ST8SIA4: variants seen among roughly 807,000 people sequenced by gnomAD.
ST8SIA4 encodes the protein CMP-N-acetylneuraminate-poly-alpha-2,8-sialyltransferase.
Under a neutral mutation model 33.9 loss-of-function variants are expected in ST8SIA4, and 15 were observed. The observed-to-expected ratio is 0.44, with a 90% CI of 0.30 to 0.68. ST8SIA4 has a LOEUF of 0.68. Among genes scored for constraint, ST8SIA4 ranks in the 30% least tolerant of loss-of-function variants. The probability of loss-of-function intolerance (pLI) is 0.10; values close to 1 mark genes in which losing one functional copy is unlikely to be tolerated. For missense variants in ST8SIA4, 321 were observed against 428.0 expected (o/e 0.75, Z 2.21); for synonymous variants, 171 against 151.2 (o/e 1.13, Z -0.96).
intron 3 of ST8SIA4, among the ~76,000 whole-genome samples, chr5:100,872,875 T>TAAA (rs550303574): frequency 1.6e-4 from 21 of 132,434 alleles, no homozygotes; most frequent in Non-Finnish European, 2.5e-4. Context: ...AGATATGGGC[T>TAAA]AAAAAAAAAA....
intron 3 of ST8SIA4, among the ~76,000 whole-genome samples, chr5:100,864,455 G>A (rs1752018463): frequency 1.3e-5 from 2 of 151,660 alleles, no homozygotes; most frequent in South Asian, 2.1e-4. Context: ...GGCGCCTGCA[G>A]TCCCAGCCAC....
chr5:100,895,836 T>C, intron 1 of ST8SIA4, 51 bp from the exon 2 acceptor site: 1 of 1,594,684 alleles, frequency 6.3e-7, no homozygotes. Flanking sequence ...ACATTTTGTG[T>C]ATACAGCACA....
intron 3 of ST8SIA4, among the ~76,000 whole-genome samples, chr5:100,867,900 T>C (rs1164197965): frequency 1.3e-5 from 2 of 151,964 alleles, no homozygotes; most frequent in Non-Finnish European, 2.9e-5. Flanking sequence ...ATTTCTGATA[T>C]CATAAGGTAG....
At position 100,807,946 on chromosome 5, in the gene ST8SIA4, A is replaced by G. The variant is rs1410129194; in HGVS notation, c.*3901T>C. 6.6e-6 allele frequency: 1 copy of G among 152,572 alleles called. No homozygotes were observed. The highest frequency in any genetic ancestry group is 2.4e-5 in the African/African-American group (1 of 41,466). The allele number at this position is 152,572 out of a possible 1,614,324, so 9.5% of individuals were successfully genotyped here. ...TTGGATTTTCTTTCATCAAATACAAATAATAACCCTCACTCAATTTTTAAA... is the reference window on the plus strand; with the variant it reads ...TTGGATTTTCTTTCATCAAATACAAGTAATAACCCTCACTCAATTTTTAAA... On this transcript the variant is annotated 3_prime_UTR_variant, in exon 5 of 5. Coordinates refer to ENST00000231461, the MANE Select transcript of ST8SIA4 (RefSeq NM_005668.6).
chr5:100,851,208 G>A (rs1043605583), intron 4 of ST8SIA4, among the ~76,000 whole-genome samples: 6 of 151,504 alleles, frequency 4.0e-5, no homozygotes, highest in Admixed American at 6.6e-5. Context: ...TGATCCACCC[G>A]CCTCGGCCTC....
chr5:100,822,274 C>T (rs189688498), intron 4 of ST8SIA4, among the ~76,000 whole-genome samples: 34 of 152,254 alleles, frequency 2.2e-4, no homozygotes, highest in South Asian at 1.5e-3. Flanking sequence ...ACGGTGATAC[C>T]TTCAACACAT....
intron 4 of ST8SIA4, among the ~76,000 whole-genome samples, chr5:100,820,842 G>T (rs1381732970): frequency 6.6e-6 from 1 of 152,062 alleles, no homozygotes; most frequent in Non-Finnish European, 1.5e-5. Flanking sequence ...ATATCTTTTG[G>T]GAGTTGTCAA....
chr5:100,829,538 A>G (rs1415417081), intron 4 of ST8SIA4, among the ~76,000 whole-genome samples: 2 of 152,230 alleles, frequency 1.3e-5, no homozygotes, highest in African/African-American at 2.4e-5. Context: ...AAGGAAAGTC[A>G]TAAGTTACAG....
At chr5:100,889,116 A>T (rs1279425140) in intron 2 of ST8SIA4, among the ~76,000 whole-genome samples, 2 of 151,960 alleles carry the variant, frequency 1.3e-5, no homozygotes, top group African/African-American at 4.8e-5. Context: ...AAACTGGAAA[A>T]GTGTTTATGT....
In ST8SIA4 at chr5:100,857,435, T is replaced by C. The variant is rs73159981; in HGVS notation, c.504-1039A>G. On this transcript the variant is annotated intron_variant, in intron 3 of 4. Coordinates refer to ENST00000231461, the MANE Select transcript of ST8SIA4 (RefSeq NM_005668.6). The stretch of plus-strand genomic sequence containing the variant: ...TTGCTTTTAAAAAGGTAGGTTTTAG[T>C]TGATAAAAGAAAAGTTAGATTTTGA... 7.5e-3 allele frequency among the ~76,000 whole-genome samples: 1,145 copies of C among 152,066 alleles called. 13 individuals are homozygous for C. Among genetic ancestry groups the C allele is most frequent in the African/African-American group, 0.026 (1,060 of 41,534 alleles).
At chr5:100,841,853 A>T (rs1164389226) in intron 4 of ST8SIA4, among the ~76,000 whole-genome samples, 6 of 151,860 alleles carry the variant, frequency 4.0e-5, no homozygotes, top group Admixed American at 3.3e-4. Flanking sequence ...GAGGTATTAC[A>T]TGCATTTGCC....
At chr5:100,864,831 A>G (rs775286332) in intron 3 of ST8SIA4, among the ~76,000 whole-genome samples, 2 of 152,190 alleles carry the variant, frequency 1.3e-5, no homozygotes, top group Admixed American at 6.5e-5. Context: ...ATTGTATCCC[A>G]CAAAACAACC....
At position 100,877,792 on chromosome 5, in the gene ST8SIA4, G is replaced by A. The variant is rs546989042; in HGVS notation, c.503+8551C>T. Among the ~76,000 whole-genome samples, 9 of 152,136 alleles carry A rather than the reference G, an allele frequency of 5.9e-5. No homozygotes were observed. In the East Asian group the frequency reaches 1.5e-3, roughly 26 times the overall value. On this transcript the variant is annotated intron_variant, in intron 3 of 4. Transcript: ENST00000231461. ...ATTATCAAAATTGTCTTTGATTTTT[G>A]TTTCATATACTCTATATTTAAATTA...
intron 3 of ST8SIA4, among the ~76,000 whole-genome samples, chr5:100,864,603 A>G (rs1247248781): frequency 6.9e-6 from 1 of 144,316 alleles, no homozygotes; most frequent in Admixed American, 7.0e-5. Flanking sequence ...AAAAAAAAAA[A>G]GCCAACAGCA....
rs147863224 is a variant in ST8SIA4, at chr5:100,885,446, C to CA, written c.503+896dup. The stretch of plus-strand genomic sequence containing the variant: ...TTTTAAGACTTTATTTAAAAATATT[C>CA]AAAAAATATTCAAAATATTCAAAAA... On this transcript the variant is annotated intron_variant, in intron 3 of 4. Coordinates refer to ENST00000231461, the MANE Select transcript of ST8SIA4 (RefSeq NM_005668.6). The CA allele has an allele frequency of 6.4e-4, 603 of 936,770 alleles. 3 individuals carry two copies. The African/African-American group carries it at 0.01, about 16-fold the overall frequency. 58.0% of individuals were successfully genotyped at this position (936,770 alleles called of 1,614,324 possible).
intron 4 of ST8SIA4, among the ~76,000 whole-genome samples, chr5:100,846,764 C>T (rs1751580000): frequency 6.6e-6 from 1 of 152,026 alleles, no homozygotes; most frequent in Non-Finnish European, 1.5e-5. Context: ...TTTCGCAAAG[C>T]CTTTTAGTCT....
intron 4 of ST8SIA4, among the ~76,000 whole-genome samples, chr5:100,812,491 G>A (rs371021633): frequency 2.0e-5 from 3 of 152,066 alleles, no homozygotes; most frequent in East Asian, 1.9e-4. Flanking sequence ...TGGTAATTGG[G>A]TAGAGATTAA....
chr5:100,874,957 G>A (rs926486438), intron 3 of ST8SIA4, among the ~76,000 whole-genome samples: 2 of 152,006 alleles, frequency 1.3e-5, no homozygotes, highest in African/African-American at 4.8e-5. Flanking sequence ...AACAATCCAA[G>A]TGCAAAATTT....
chr5:100,840,236 T>G (rs1393481535), intron 4 of ST8SIA4, among the ~76,000 whole-genome samples: 1 of 151,844 alleles, frequency 6.6e-6, no homozygotes, highest in Non-Finnish European at 1.5e-5. Context: ...TTTCTACTTA[T>G]TTTAACAAGA....
Sources: allele counts gnomAD v4.1 joint callset (sites outside exome capture counted in the v4.1 genomes callset), GRCh38; gene constraint gnomAD v4.1.1; transcripts MANE v1.5; gene names NCBI Gene and HGNC (gene_info 2026-07-23, HGNC 2026-07-21).